Variants in FEM1C observed in about 807,000 individuals in gnomAD.
FEM1C encodes fem-1 homolog C, also known as protein fem-1 homolog C.
A neutral mutation model predicts 37.6 loss-of-function variants in FEM1C; 15 were observed. The observed-to-expected ratio is 0.40, with a 90% CI of 0.27 to 0.61. FEM1C has a LOEUF of 0.61. FEM1C is among the 20% of genes least tolerant of loss of function. FEM1C has a pLI of 0.42. For missense variants in FEM1C, 532 were observed against 749.7 expected, an observed-to-expected ratio of 0.71 and a Z score of 3.39; for synonymous variants, 287 against 272.8, an observed-to-expected ratio of 1.05 and a Z score of -0.51.
intron 2 of FEM1C, among the ~76,000 whole-genome samples, chr5:115,540,565 A>C (rs894748738): frequency 6.6e-6 from 1 of 152,100 alleles, no homozygotes; most frequent in African/African-American, 2.4e-5. Flanking sequence ...TAAGGCTAAA[A>C]GATGATAGTG....
chr5:115,537,372 T>C (rs1020125532), intron 2 of FEM1C, among the ~76,000 whole-genome samples: 2 of 152,102 alleles, frequency 1.3e-5, no homozygotes, highest in Non-Finnish European at 2.9e-5. Context: ...CTCATGTTAC[T>C]GCCACGAACA....
At position 115,524,444 on chromosome 5, in the gene FEM1C, A is replaced by G. The variant is rs1247009470; in HGVS notation, c.1718T>C (p.Ile573Thr). The change falls in exon 3 of 3, where the codon ATA becomes ACA. Residue 573 changes from isoleucine (I) to threonine (T), a missense_variant. Physicochemically the swap from Ile to Thr is moderately conservative, Grantham distance 89. This residue lies in a region of FEM1C where 237 missense variants were observed against 260.5 expected (regional missense o/e 0.91). Coordinates refer to ENST00000274457, the MANE Select transcript of FEM1C (RefSeq NM_020177.3). ...TASDLLDEKE[I>T]AKNLIQPINH... ...TATAGGCTGGATTAAATTTTTAGCT[A>G]TTTCCTTCTCATCCAGCAAGTCACT... 3 of 1,613,192 alleles carry G rather than the reference A, an allele frequency of 1.9e-6. No homozygotes were observed. The East Asian group carries it at 6.7e-5, about 36-fold the overall frequency.
intron 2 of FEM1C, among the ~76,000 whole-genome samples, chr5:115,537,876 A>T (rs968154335): frequency 2.6e-5 from 4 of 152,056 alleles, no homozygotes; most frequent in African/African-American, 9.7e-5. Flanking sequence ...ACCTAGAATG[A>T]CATCAATCAT....
Position 115,525,195 on chromosome 5 carries a change from G to A in FEM1C, c.967C>T (p.Leu323=), listed in dbSNP as rs1239582905. Residue 323 remains leucine (L), a synonymous_variant, in exon 3 of 3, where the codon CTA becomes TTA. Coordinates refer to ENST00000274457, the MANE Select transcript of FEM1C (RefSeq NM_020177.3). ...CCAAGAATACGTTCTCTGATTAATA[G>A]TGCCTGCATTCTCATCTCATCAGGA... The part of the protein sequence containing the change: ...ADPDEMRMQA[L]LIRERILGPS... The A allele has an allele frequency of 1.9e-6, 3 of 1,613,434 alleles. No individual in the cohort carries two copies.
At chr5:115,539,928 T>C (rs1266619205) in intron 2 of FEM1C, among the ~76,000 whole-genome samples, 3 of 152,140 alleles carry the variant, frequency 2.0e-5, no homozygotes, top group Non-Finnish European at 4.4e-5. Flanking sequence ...ATCAACCGCC[T>C]GTTTAAAAGT....
At chr5:115,531,439 T>C (rs988719887) in intron 2 of FEM1C, among the ~76,000 whole-genome samples, 3 of 152,122 alleles carry the variant, frequency 2.0e-5, no homozygotes, top group African/African-American at 7.2e-5. Context: ...ATATTGGATA[T>C]TCAAGGATAC....
In FEM1C at chr5:115,521,078, CA is replaced by C. The variant is rs11330098; in HGVS notation, c.*3229del. The C allele has an allele frequency of 0.069, 5,590 of 80,724 alleles. 230 individuals are homozygous for C. The highest frequency in any genetic ancestry group is 0.19 in the African/African-American group (4,633 of 24,176). The allele number at this position is 80,724 out of a possible 1,614,324, so 5.0% of individuals were successfully genotyped here. On this transcript the variant is annotated 3_prime_UTR_variant, in exon 3 of 3. Coordinates refer to ENST00000274457, the MANE Select transcript of FEM1C (RefSeq NM_020177.3). The stretch of plus-strand genomic sequence containing the variant: ...CTAGTTGTTTAGTGACACATAAGGG[CA>C]AAAAAAAAAAAAAGAAAAAGAAAAA...
chr5:115,526,019 G>A (rs898138713), intron 2 of FEM1C, among the ~76,000 whole-genome samples: 34 of 151,908 alleles, frequency 2.2e-4, no homozygotes, highest in Non-Finnish European at 4.0e-4. Context: ...TTATAAACAA[G>A]GAATTGGTCT....
rs951427485 is a variant in FEM1C, at chr5:115,542,957, A to G, written c.537T>C (p.Ser179=). Residue 179 remains serine, a synonymous_variant, in exon 2 of 3, where the codon AGT becomes AGC. Transcript: ENST00000274457. ...LEKGADVNRK[S]VKGNTALHDC... is the part of the protein sequence containing the mutation. ...CAAAGAAGCTGAACTCACCTTTGACACTTTTTCTATTAACATCTGCCCCCT... is the reference window on the plus strand; with the variant it reads ...CAAAGAAGCTGAACTCACCTTTGACGCTTTTTCTATTAACATCTGCCCCCT... 1 of 1,610,422 alleles carries G rather than the reference A, an allele frequency of 6.2e-7. No individual in the cohort carries two copies.
At chr5:115,526,793 T>C (rs978582680) in intron 2 of FEM1C, among the ~76,000 whole-genome samples, 3 of 152,090 alleles carry the variant, frequency 2.0e-5, no homozygotes, top group Non-Finnish European at 2.9e-5. Flanking sequence ...GGCTGGTAAA[T>C]AGTTCTCTAT....
chr5:115,542,846 GGTCT>G, intron 2 of FEM1C, 100 bp downstream of exon 2: 1 of 1,355,088 alleles, frequency 7.4e-7, no homozygotes, highest in Non-Finnish European at 1.0e-6. Context: ...AATCAAAACA[GGTCT>G]GTCAATGCTG....
chr5:115,524,469 T>C lies in FEM1C; in HGVS notation c.1693A>G (p.Ser565Gly), dbSNP rs760951465. ...DATNLHKQTASDLLDEKEIAK... is the reference protein window; with the variant it reads ...DATNLHKQTAGDLLDEKEIAK... ...ATTTCCTTCTCATCCAGCAAGTCAC[T>C]AGCAGTTTGTTTGTGCAAGTTTGTG... Residue 565 changes from serine to glycine, a missense_variant, in exon 3 of 3, where the codon AGT becomes GGT. Coordinates refer to ENST00000274457, the MANE Select transcript of FEM1C (RefSeq NM_020177.3). 3.7e-6 allele frequency: 6 copies of C among 1,613,022 alleles called. No homozygotes were observed. Among genetic ancestry groups the C allele is most frequent in the Non-Finnish European group, 5.1e-6 (6 of 1,179,534 alleles).
rs190935051 is a variant in FEM1C at position 115,524,061 on chromosome 5, G to C, written c.*247C>G. The C allele has an allele frequency of 1.1e-3, 464 of 409,488 alleles. 6 individuals are homozygous for C. The highest frequency in any genetic ancestry group is 7.7e-4 in the Non-Finnish European group (178 of 231,716). 25.4% of individuals were successfully genotyped at this position (409,488 alleles called of 1,614,324 possible). On this transcript the variant is annotated 3_prime_UTR_variant, in exon 3 of 3. Transcript: ENST00000274457. Reference sequence around the variant, plus strand: ...ACAAAACCAGAATGAATAAGCCTTTGGCAGACAATTTTAGAAATTTGAATG... The same window carrying C: ...ACAAAACCAGAATGAATAAGCCTTTCGCAGACAATTTTAGAAATTTGAATG...
chr5:115,532,934 G>T (rs1580381555), intron 2 of FEM1C, among the ~76,000 whole-genome samples: 1 of 152,010 alleles, frequency 6.6e-6, no homozygotes, highest in Non-Finnish European at 1.5e-5. Flanking sequence ...TAATGCAAAG[G>T]AGCATGAAGG....
Position 115,521,301 on chromosome 5 carries a change from G to A in FEM1C, c.*3007C>T, listed in dbSNP as rs1447716932. 6.6e-6 allele frequency: 1 copy of A among 151,594 alleles called. No homozygotes were observed. The highest frequency in any genetic ancestry group is 1.5e-5 in the Non-Finnish European group (1 of 67,680). 9.4% of individuals were successfully genotyped at this position (151,594 alleles called of 1,614,324 possible). A position where few individuals can be genotyped will look rare whatever the true frequency, so the allele number is the denominator to read the frequency against. On this transcript the variant is annotated 3_prime_UTR_variant, in exon 3 of 3. Transcript: ENST00000274457. The stretch of plus-strand genomic sequence containing the variant: ...GCCTAAGGTTTCTGTTGGGCAATAT[G>A]ATTTTTAAAGAGCTACTTTTCCCAT...
intron 2 of FEM1C, among the ~76,000 whole-genome samples, chr5:115,541,227 G>GA (rs1411910135): frequency 6.6e-6 from 1 of 151,968 alleles, no homozygotes; most frequent in Non-Finnish European, 1.5e-5. Context: ...ACAGGTTATA[G>GA]AACAGCATAT....
chr5:115,525,535 T>C lies in FEM1C; in HGVS notation c.627A>G (p.Glu209=). The change falls in exon 3 of 3, where the codon GAA becomes GAG. Residue 209 remains glutamate, a synonymous_variant. Coordinates refer to ENST00000274457, the MANE Select transcript of FEM1C (RefSeq NM_020177.3). Reference sequence around the variant, plus strand: ...GGGGAGTCATTCCATAACCATCCTTTTCCATCTTGGCACAATACATAAGAA... The same window carrying C: ...GGGGAGTCATTCCATAACCATCCTTCTCCATCTTGGCACAATACATAAGAA... The part of the protein sequence containing the change: ...KMLLMYCAKM[E]KDGYGMTPLL... The C allele has an allele frequency of 6.2e-7, 1 of 1,613,658 alleles. No homozygotes were observed.
intron 2 of FEM1C, among the ~76,000 whole-genome samples, chr5:115,530,063 T>C (rs1044294334): frequency 4.0e-5 from 6 of 151,792 alleles, no homozygotes; most frequent in Non-Finnish European, 7.4e-5. Context: ...ACTGTCAGAC[T>C]GAAGATACAA....
Position 115,524,229 on chromosome 5 carries a change from G to C in FEM1C, c.*79C>G. 1 of 1,110,114 alleles carries C rather than the reference G, an allele frequency of 9.0e-7. No individual in the cohort carries two copies. Among genetic ancestry groups the C allele is most frequent in the Non-Finnish European group, 1.3e-6 (1 of 746,524 alleles). The allele number at this position is 1,110,114 out of a possible 1,614,324, so 68.8% of individuals were successfully genotyped here. ...TATCAATCAAGCTAAATGAATGCTG[G>C]TGTTATCACAACAGTGCTCATTTAT... On this transcript the variant is annotated 3_prime_UTR_variant, in exon 3 of 3. Coordinates refer to ENST00000274457, the MANE Select transcript of FEM1C (RefSeq NM_020177.3).
Sources: allele counts gnomAD v4.1 joint callset (sites outside exome capture counted in the v4.1 genomes callset), GRCh38; gene constraint gnomAD v4.1.1; regional missense constraint gnomAD v4.1.1; transcripts MANE v1.5; gene names NCBI Gene and HGNC (gene_info 2026-07-23, HGNC 2026-07-21).